MALRD1: variants seen among roughly 807,000 people sequenced by gnomAD.
The protein encoded by MALRD1 is MAM and LDL-receptor class A domain-containing protein 1.
A neutral mutation model predicts 242.1 loss-of-function variants in MALRD1; 247 were observed. That is an observed-to-expected ratio of 1.02 (90% CI 0.92 to 1.13). MALRD1 has a LOEUF of 1.13. Ranked by LOEUF, MALRD1 falls within the 50% of genes most tolerant of loss-of-function variation. The pLI is 0.00. For synonymous variants in MALRD1, 995 were observed against 866.6 expected (o/e 1.15, Z -2.60); for missense variants, 2,989 against 2,533.1 (o/e 1.18, Z -3.86).
At chr10:19,292,333 A>G (rs184770623) in intron 21 of MALRD1, among the ~76,000 whole-genome samples, 31 of 152,142 alleles carry the variant, frequency 2.0e-4, no homozygotes, top group Admixed American at 9.2e-4. Flanking sequence ...ACACATACCA[A>G]TCTCATGATT....
intron 33 of MALRD1, among the ~76,000 whole-genome samples, chr10:19,586,306 T>G (rs1335495773): frequency 6.6e-6 from 1 of 152,190 alleles, no homozygotes; most frequent in African/African-American, 2.4e-5. Flanking sequence ...GGTGCTCTGC[T>G]TTTTAGAGTT....
intron 38 of MALRD1, among the ~76,000 whole-genome samples, chr10:19,709,956 G>T (rs1220983630): frequency 1.3e-5 from 2 of 152,046 alleles, no homozygotes; most frequent in Non-Finnish European, 2.9e-5. Flanking sequence ...AACACATTGT[G>T]GGAATTTTAT....
chr10:19,245,806 T>C (rs1031312032), intron 18 of MALRD1, among the ~76,000 whole-genome samples: 3 of 152,192 alleles, frequency 2.0e-5, no homozygotes. Context: ...TGGGGAAACA[T>C]TAGATTAAAT....
chr10:19,546,775 G>T (rs1016543691), intron 32 of MALRD1, among the ~76,000 whole-genome samples: 1 of 152,160 alleles, frequency 6.6e-6, no homozygotes, highest in South Asian at 2.1e-4. Context: ...CTGTAAGCTA[G>T]TACCTGTGAT....
intron 11 of MALRD1, among the ~76,000 whole-genome samples, chr10:19,154,478 C>T (rs761496146): frequency 3.3e-5 from 5 of 152,208 alleles, no homozygotes; most frequent in Non-Finnish European, 7.3e-5. Flanking sequence ...CTACCCCAGA[C>T]AGCAGCTCTG....
At chr10:19,180,740 C>T (rs1564448264) in intron 14 of MALRD1, among the ~76,000 whole-genome samples, 1 of 152,158 alleles carries the variant, frequency 6.6e-6, no homozygotes. Context: ...AACTAAAAGG[C>T]TTCTGCACAG....
intron 28 of MALRD1, among the ~76,000 whole-genome samples, chr10:19,402,278 C>T (rs1347512694): frequency 6.6e-6 from 1 of 152,160 alleles, no homozygotes; most frequent in East Asian, 1.9e-4. Flanking sequence ...AGCAAGACCC[C>T]ATGATATGGT....
chr10:19,658,118 A>T (rs1480608603), intron 36 of MALRD1, among the ~76,000 whole-genome samples: 2 of 152,146 alleles, frequency 1.3e-5, no homozygotes, highest in Non-Finnish European at 2.9e-5. Flanking sequence ...ATTGCACTCC[A>T]GCCTGGGCAA....
At chr10:19,159,645 AAAG>A (rs1834312924) in intron 12 of MALRD1, among the ~76,000 whole-genome samples, 1 of 152,048 alleles carries the variant, frequency 6.6e-6, no homozygotes, top group Non-Finnish European at 1.5e-5. Context: ...ATTAAAAAAA[AAAG>A]AAAGAAAGAA....
chr10:19,619,938 G>C (rs2131619820), intron 36 of MALRD1, among the ~76,000 whole-genome samples: 1 of 151,976 alleles, frequency 6.6e-6, no homozygotes, highest in African/African-American at 2.4e-5. Context: ...GATTGATTGA[G>C]CCTGGGAGGT....
chr10:19,437,852 T>C (rs1257270407), intron 28 of MALRD1, among the ~76,000 whole-genome samples: 4 of 152,134 alleles, frequency 2.6e-5, no homozygotes, highest in Admixed American at 6.6e-5. Flanking sequence ...TCAATTCTAT[T>C]ATTCATTTAA....
At chr10:19,604,059 CTAGA>C (rs1048340358) in intron 34 of MALRD1, among the ~76,000 whole-genome samples, 3 of 152,068 alleles carry the variant, frequency 2.0e-5, no homozygotes, top group African/African-American at 7.2e-5. Flanking sequence ...AAATCAAAAG[CTAGA>C]AATGATTATT....
At chr10:19,730,891 C>T in intron 39 of MALRD1, 110 bp downstream of exon 39, 1 of 1,014,756 alleles carries the variant, frequency 9.9e-7, no homozygotes. Context: ...TACATCATAA[C>T]TAAAAGAAAT....
intron 38 of MALRD1, among the ~76,000 whole-genome samples, chr10:19,703,724 A>T (rs1354806966): frequency 6.6e-6 from 1 of 152,010 alleles, no homozygotes. Context: ...GCAAAACCCT[A>T]TCTCTACTAA....
Position 19,087,782 on chromosome 10 carries a change from G to A in MALRD1, c.341-58G>A, listed in dbSNP as rs1835722305. The A allele has an allele frequency of 9.7e-6, 8 of 820,762 alleles. No individual in the cohort carries two copies. The East Asian group carries it at 1.3e-4, about 14-fold the overall frequency. The allele number at this position is 820,762 out of a possible 1,614,324, so 50.8% of individuals were successfully genotyped here. On this transcript the variant is annotated intron_variant, in intron 2 of 39. Transcript: ENST00000454679. ...AGTCATCCCATTTTGCTATCAAATA[G>A]TAGGTCTTATTCATTCTTTCTGGTT...
intron 26 of MALRD1, among the ~76,000 whole-genome samples, chr10:19,384,400 A>T (rs1236029002): frequency 4.2e-5 from 3 of 71,768 alleles, no homozygotes; most frequent in Non-Finnish European, 5.3e-5. Flanking sequence ...ATTATATATT[A>T]TATAGTATAT....
intron 36 of MALRD1, among the ~76,000 whole-genome samples, chr10:19,636,544 T>C (rs886580249): frequency 1.3e-5 from 2 of 152,042 alleles, no homozygotes; most frequent in Non-Finnish European, 2.9e-5. Flanking sequence ...AAAATAAATA[T>C]GTATAGTAAA....
intron 1 of MALRD1, chr10:19,052,152 C>A: frequency 2.3e-6 from 1 of 432,506 alleles, no homozygotes; most frequent in Non-Finnish European, 4.5e-6. Flanking sequence ...GCTTTGGTGC[C>A]TAATGATGTC....
intron 31 of MALRD1, among the ~76,000 whole-genome samples, chr10:19,508,207 G>GTGGA (rs368897695): frequency 1.4e-4 from 21 of 152,242 alleles, no homozygotes; most frequent in African/African-American, 3.9e-4. Flanking sequence ...TCAAAGAGTT[G>GTGGA]TGGATGGATG....
Sources: gnomAD v4.1 joint callset for allele counts (sites outside exome capture counted in the v4.1 genomes callset) on GRCh38, gnomAD v4.1.1 for gene constraint, MANE v1.5 for transcripts, NCBI Gene and HGNC (gene_info 2026-07-23, HGNC 2026-07-21) for gene names.